PRKCA: variants seen among roughly 807,000 people sequenced by gnomAD.
PRKCA encodes protein kinase C alpha type.
Under a neutral mutation model 87.0 loss-of-function variants are expected in PRKCA, and 27 were observed. The observed-to-expected ratio is 0.31, with a 90% CI of 0.23 to 0.43. PRKCA has a LOEUF of 0.43. Ranked by LOEUF, PRKCA falls within the 20% of genes least tolerant of loss-of-function variation. The probability of loss-of-function intolerance (pLI) is 1.00; values close to 1 mark genes in which losing one functional copy is unlikely to be tolerated. For synonymous variants in PRKCA, 329 were observed against 311.1 expected, an observed-to-expected ratio of 1.06 and a Z score of -0.61; for missense variants, 518 against 852.3, an observed-to-expected ratio of 0.61 and a Z score of 4.88.
In PRKCA at chr17:66,334,085, T is replaced by G. The variant is rs144454582; in HGVS notation, c.205+27958T>G. ...GGCCAGCATGGTGAAACCCCATCTCTACTAAATATACAAAAATTAGCCAGG... is the reference window on the plus strand; with the variant it reads ...GGCCAGCATGGTGAAACCCCATCTCGACTAAATATACAAAAATTAGCCAGG... On this transcript the variant is annotated intron_variant, in intron 2 of 16. Transcript: ENST00000413366. Among the ~76,000 whole-genome samples, 272 of 152,196 alleles carry G rather than the reference T, an allele frequency of 1.8e-3. 5 individuals are homozygous for G. The highest frequency in any genetic ancestry group is 6.3e-3 in the African/African-American group (263 of 41,536).
chr17:66,398,241 A>G (rs1447277437), intron 2 of PRKCA: 1 of 152,210 alleles, frequency 6.6e-6, no homozygotes, highest in African/African-American at 2.4e-5. Context: ...GAAACAGACT[A>G]AAATCAGAGT....
intron 2 of PRKCA, among the ~76,000 whole-genome samples, chr17:66,350,714 G>C (rs1907689462): frequency 2.0e-5 from 3 of 152,116 alleles, no homozygotes; most frequent in Non-Finnish European, 4.4e-5. Flanking sequence ...TGGTAGAGAT[G>C]GGGTTTTGCT....
rs1203903827 is a variant in PRKCA, at chr17:66,804,897, T to C, written c.*860T>C. 6 of 664,436 alleles carry C rather than the reference T, an allele frequency of 9.0e-6. No individual in the cohort carries two copies. Among genetic ancestry groups the C allele is most frequent in the Non-Finnish European group, 1.1e-5 (6 of 538,026 alleles). 41.2% of individuals were successfully genotyped at this position (664,436 alleles called of 1,614,324 possible). ...GTAATCATGCCACTACTCACCAGTG[T>C]TGTTCACCAACACCCACCCCCACAC... On this transcript the variant is annotated 3_prime_UTR_variant, in exon 17 of 17. Coordinates refer to ENST00000413366, the MANE Select transcript of PRKCA (RefSeq NM_002737.3).
intron 5 of PRKCA, among the ~76,000 whole-genome samples, chr17:66,670,257 G>A (rs1286940731): frequency 6.6e-6 from 1 of 152,190 alleles, no homozygotes. Context: ...AGTCATATAA[G>A]GATAAGCAGT....
intron 3 of PRKCA, among the ~76,000 whole-genome samples, chr17:66,617,229 C>G (rs8070271): frequency 0.028 from 4,277 of 152,190 alleles, 209 homozygotes; most frequent in African/African-American, 0.098. Flanking sequence ...ACTACCTGGT[C>G]AGTTTCATGT....
chr17:66,589,729 G>A lies in PRKCA; in HGVS notation c.289-51626G>A, dbSNP rs147000280. Among the ~76,000 whole-genome samples the A allele has an allele frequency of 6.2e-4, 94 of 152,302 alleles. 1 individual carries two copies. In the East Asian group the frequency reaches 0.017, roughly 28 times the overall value. On this transcript the variant is annotated intron_variant, in intron 3 of 16. Transcript: ENST00000413366. The stretch of plus-strand genomic sequence containing the variant: ...CTTACTGAGCATGAATTGGGGATAC[G>A]AAGATGATAAGATGATCTCACTCCC...
At chr17:66,472,651 C>T (rs16959377) in intron 2 of PRKCA, among the ~76,000 whole-genome samples, 3 of 152,108 alleles carry the variant, frequency 2.0e-5, no homozygotes, top group East Asian at 1.9e-4. Flanking sequence ...ATTAACAAGA[C>T]GTAACATCCC....
At chr17:66,314,837 G>T (rs1457020876) in intron 2 of PRKCA, among the ~76,000 whole-genome samples, 1 of 151,054 alleles carries the variant, frequency 6.6e-6, no homozygotes, top group Non-Finnish European at 1.5e-5. Context: ...CTCTACGATA[G>T]AATTTCTTTC....
At chr17:66,774,394 G>A in intron 14 of PRKCA, 2 of 1,112,174 alleles carry the variant, frequency 1.8e-6, no homozygotes, top group South Asian at 2.3e-5. Context: ...GCCAAGGCAG[G>A]CGGATCGCCT....
At chr17:66,441,104 T>C (rs1169320168) in intron 2 of PRKCA, among the ~76,000 whole-genome samples, 3 of 148,624 alleles carry the variant, frequency 2.0e-5, no homozygotes, top group Admixed American at 6.9e-5. Flanking sequence ...GGATGTTGCA[T>C]TGAGCCCAGA....
intron 2 of PRKCA, among the ~76,000 whole-genome samples, chr17:66,475,960 G>A (rs1915519299): frequency 6.6e-6 from 1 of 152,070 alleles, no homozygotes; most frequent in South Asian, 2.1e-4. Context: ...ACAGTGGTGC[G>A]ATCTCTGCTC....
chr17:66,775,198 C>T (rs942420893), intron 14 of PRKCA: 8 of 962,940 alleles, frequency 8.3e-6, no homozygotes, highest in Middle Eastern at 5.3e-4. Flanking sequence ...AGGACACTTC[C>T]GTGGCAAAGT....
intron 2 of PRKCA, among the ~76,000 whole-genome samples, chr17:66,451,958 A>G (rs1914345801): frequency 6.6e-6 from 1 of 152,166 alleles, no homozygotes; most frequent in Non-Finnish European, 1.5e-5. Context: ...TGTCCAGAAA[A>G]TTGGATTGAA....
At chr17:66,512,515 C>T (rs1917283167) in intron 3 of PRKCA, among the ~76,000 whole-genome samples, 1 of 150,298 alleles carries the variant, frequency 6.7e-6, no homozygotes, top group African/African-American at 2.5e-5. Flanking sequence ...CCTTGGTCCA[C>T]AAGGCCCATC....
At chr17:66,325,389 G>T (rs1905916860) in intron 2 of PRKCA, among the ~76,000 whole-genome samples, 1 of 152,134 alleles carries the variant, frequency 6.6e-6, no homozygotes, top group African/African-American at 2.4e-5. Context: ...TTTGAGTCAC[G>T]TATTGCTTTC....
chr17:66,612,362 C>T (rs1303186638), intron 3 of PRKCA, among the ~76,000 whole-genome samples: 1 of 74,512 alleles, frequency 1.3e-5, no homozygotes, highest in African/African-American at 5.4e-5. Context: ...GCCTGGGCAA[C>T]AAGAGCGAAA....
At chr17:66,643,759 T>G (rs1303998648) in intron 4 of PRKCA, among the ~76,000 whole-genome samples, 1 of 152,186 alleles carries the variant, frequency 6.6e-6, no homozygotes, top group Non-Finnish European at 1.5e-5. Flanking sequence ...CCTTAACTTC[T>G]GCAGAGAAGA....
At chr17:66,564,808 C>T (rs956791569) in intron 3 of PRKCA, among the ~76,000 whole-genome samples, 1 of 152,066 alleles carries the variant, frequency 6.6e-6, no homozygotes, top group African/African-American at 2.4e-5. Context: ...GGTGAAACCC[C>T]ATCTCTACTA....
intron 3 of PRKCA, among the ~76,000 whole-genome samples, chr17:66,504,702 A>G (rs185581872): frequency 1.7e-3 from 252 of 152,324 alleles, no homozygotes; most frequent in Admixed American, 2.7e-3. Context: ...TAATGGGAGA[A>G]TGCAGGAAGA....
Sources: gnomAD v4.1 joint callset for allele counts (sites outside exome capture counted in the v4.1 genomes callset) on GRCh38, gnomAD v4.1.1 for gene constraint, MANE v1.5 for transcripts, NCBI Gene and HGNC (gene_info 2026-07-23, HGNC 2026-07-21) for gene names.